Variants in NEXMIF observed in about 807,000 individuals in gnomAD.
NEXMIF encodes XLMR protein related to neurite extension.
Under a neutral mutation model 62.1 loss-of-function variants are expected in NEXMIF, and 8 were observed. That is an observed-to-expected ratio of 0.13 (90% CI 0.08 to 0.23). The LOEUF (loss-of-function observed/expected upper bound fraction) is 0.23. NEXMIF is among the 10% of genes least tolerant of loss of function. NEXMIF has a pLI of 1.00. For synonymous variants in NEXMIF, 404 were observed against 416.6 expected (o/e 0.97, Z 0.37); for missense variants, 976 against 1,113.3 (o/e 0.88, Z 1.75).
chrX:74,784,928 T>A (rs747169308), intron 1 of NEXMIF, among the ~76,000 whole-genome samples: 1 of 111,271 alleles, frequency 9.0e-6, no homozygotes, highest in South Asian at 3.8e-4. Context: ...GTTACCCCAA[T>A]AAAAATCCTG....
chrX:74,903,322 G>GCA (rs1193979541), intron 1 of NEXMIF, among the ~76,000 whole-genome samples: 2 of 37,494 alleles, frequency 5.3e-5, no homozygotes, highest in African/African-American at 9.8e-5. Context: ...TGATTCTCAG[G>GCA]CATACACACA....
In NEXMIF at chrX:74,860,297, A is replaced by G. The variant is rs763921731; in HGVS notation, c.-48+64586T>C. Reference sequence around the variant, plus strand: ...GCTAAGGAAAGAAATAGACTCCAATACAATAAAATCTAGAGACTTCAACAA... The same window carrying G: ...GCTAAGGAAAGAAATAGACTCCAATGCAATAAAATCTAGAGACTTCAACAA... On this transcript the variant is annotated intron_variant, in intron 1 of 3. Transcript: ENST00000055682. 2.7e-5 allele frequency among the ~76,000 whole-genome samples: 3 copies of G among 112,211 alleles called. No individual in the cohort carries two copies. The East Asian group carries it at 8.4e-4, about 31-fold the overall frequency.
At chrX:74,740,011 T>C in intron 3 of NEXMIF, 89 bp downstream of exon 3, 1 of 905,328 alleles carries the variant, frequency 1.1e-6, no homozygotes, top group Admixed American at 3.1e-5. Flanking sequence ...ATTTTTGCTT[T>C]CAAGAGGGAA....
At chrX:74,863,278 A>G (rs1206679118) in intron 1 of NEXMIF, among the ~76,000 whole-genome samples, 1 of 111,356 alleles carries the variant, frequency 9.0e-6, no homozygotes, top group African/African-American at 3.3e-5. Context: ...AAAATAACCA[A>G]GATCAGAGTG....
chrX:74,842,450 T>C (rs1270904272), intron 1 of NEXMIF, among the ~76,000 whole-genome samples: 1 of 111,913 alleles, frequency 8.9e-6, no homozygotes, highest in South Asian at 3.7e-4. Context: ...GATCTTTTGA[T>C]TTTTCATGTC....
At chrX:74,903,186 C>T (rs1276979478) in intron 1 of NEXMIF, among the ~76,000 whole-genome samples, 2 of 111,311 alleles carry the variant, frequency 1.8e-5, no homozygotes, top group Non-Finnish European at 3.8e-5. Flanking sequence ...TATTTCTAAA[C>T]GTTAATCAAC....
chrX:74,796,784 G>A (rs1029970143), intron 1 of NEXMIF, among the ~76,000 whole-genome samples: 2 of 111,611 alleles, frequency 1.8e-5, no homozygotes, highest in African/African-American at 6.5e-5. Context: ...TGCATAAATG[G>A]TGGAGAAAAG....
chrX:74,839,168 T>C (rs1009819426), intron 1 of NEXMIF, among the ~76,000 whole-genome samples: 4 of 111,995 alleles, frequency 3.6e-5, no homozygotes, highest in Non-Finnish European at 5.6e-5. Flanking sequence ...CCATTGTTCC[T>C]TTATTTATCT....
At chrX:74,866,447 T>C (rs2080579519) in intron 1 of NEXMIF, among the ~76,000 whole-genome samples, 1 of 111,677 alleles carries the variant, frequency 9.0e-6, no homozygotes, top group African/African-American at 3.3e-5. Context: ...TTGTCTCAGA[T>C]GAGACTTTGG....
intron 1 of NEXMIF, among the ~76,000 whole-genome samples, chrX:74,807,353 T>C (rs1160562937): frequency 7.2e-5 from 8 of 111,679 alleles, no homozygotes; most frequent in Non-Finnish European, 1.3e-4. Flanking sequence ...TCTCACTCTG[T>C]CATCTAAGCT....
chrX:74,865,649 G>A (rs900504090), intron 1 of NEXMIF, among the ~76,000 whole-genome samples: 2 of 111,800 alleles, frequency 1.8e-5, no homozygotes, highest in African/African-American at 6.5e-5. Flanking sequence ...AGGCCTAGAA[G>A]GGAAAAATGG....
At chrX:74,874,492 A>T (rs1460492554) in intron 1 of NEXMIF, among the ~76,000 whole-genome samples, 1 of 109,985 alleles carries the variant, frequency 9.1e-6, no homozygotes, top group East Asian at 2.9e-4. Flanking sequence ...TTTTGGTTCC[A>T]TATGAACTTT....
chrX:74,762,058 C>T (rs971014358), intron 1 of NEXMIF, among the ~76,000 whole-genome samples: 3 of 110,276 alleles, frequency 2.7e-5, no homozygotes, highest in Admixed American at 9.7e-5. Context: ...TGGTGTACTG[C>T]ACCCATTAAC....
chrX:74,812,665 A>G (rs2080364090), intron 1 of NEXMIF, among the ~76,000 whole-genome samples: 1 of 111,989 alleles, frequency 8.9e-6, no homozygotes, highest in Non-Finnish European at 1.9e-5. Context: ...AAGTCTCAGG[A>G]AGAAAAATAG....
At chrX:74,794,301 C>G (rs2147466639) in intron 1 of NEXMIF, among the ~76,000 whole-genome samples, 1 of 106,200 alleles carries the variant, frequency 9.4e-6, no homozygotes, top group South Asian at 4.6e-4. Flanking sequence ...GGTCAGGGGT[C>G]AGGGACCCAC....
intron 1 of NEXMIF, among the ~76,000 whole-genome samples, chrX:74,907,084 T>C (rs2080771471): frequency 2.7e-5 from 3 of 111,873 alleles, no homozygotes; most frequent in Admixed American, 9.5e-5. Flanking sequence ...CAGCCTCTCT[T>C]TCCTGATGTA....
rs2080110111 is a variant in NEXMIF, at chrX:74,742,570, T to C, written c.1987A>G (p.Ser663Gly). The change falls in exon 3 of 4, where the codon AGT becomes GGT. Residue 663 changes from serine (S) to glycine (G), a missense_variant. Ser to Gly is a moderately conservative substitution (Grantham distance 56). Around this residue, in one of 5 missense-constraint regions of NEXMIF, gnomAD observed 639 missense variants for 694.5 expected, o/e 0.92. Coordinates refer to ENST00000055682, the MANE Select transcript of NEXMIF (RefSeq NM_001008537.3). ...AGGCCTCCATCTTCTTTATGATTACTAGCGTGCCTCTGATCATTACATAAT... is the reference window on the plus strand; with the variant it reads ...AGGCCTCCATCTTCTTTATGATTACCAGCGTGCCTCTGATCATTACATAAT... ...ISLCNDQRHA[S>G]NHKEDGGLKG... The C allele has an allele frequency of 3.3e-6, 4 of 1,207,434 alleles. No homozygotes were observed. In the South Asian group the frequency reaches 5.3e-5, roughly 16 times the overall value.
intron 1 of NEXMIF, among the ~76,000 whole-genome samples, chrX:74,921,768 G>C (rs763935822): frequency 5.6e-4 from 62 of 110,944 alleles, no homozygotes; most frequent in Non-Finnish European, 1.7e-4. Flanking sequence ...CTTAAGATGG[G>C]AAAAACAAGG....
intron 1 of NEXMIF, among the ~76,000 whole-genome samples, chrX:74,843,288 C>T (rs1430827093): frequency 9.0e-6 from 1 of 111,702 alleles, no homozygotes; most frequent in Non-Finnish European, 1.9e-5. Flanking sequence ...ATTAGGATTG[C>T]AACCCTTGTT....
Sources: gnomAD v4.1 joint callset for allele counts (sites outside exome capture counted in the v4.1 genomes callset) on GRCh38, gnomAD v4.1.1 for gene constraint, gnomAD v4.1.1 regional missense constraint, MANE v1.5 for transcripts, NCBI Gene and HGNC (gene_info 2026-07-23, HGNC 2026-07-21) for gene names.